Variants in ATP1B1 observed in about 807,000 individuals in gnomAD.
ATP1B1 encodes sodium/potassium-transporting ATPase subunit beta-1.
ATP1B1 carries 3 observed loss-of-function variants against 39.6 expected under a neutral mutation model. That is an observed-to-expected ratio of 0.08 (90% CI 0.03 to 0.20). The LOEUF (loss-of-function observed/expected upper bound fraction) is 0.20, where lower values mean the gene tolerates loss of function less well. Among genes scored for constraint, ATP1B1 ranks in the 10% least tolerant of loss-of-function variants. ATP1B1 has a pLI of 1.00. For synonymous variants in ATP1B1, 139 were observed against 135.0 expected (o/e 1.03, Z -0.20); for missense variants, 216 against 371.1 (o/e 0.58, Z 3.43).
At position 169,129,885 on chromosome 1, in the gene ATP1B1, CTT is replaced by C. The variant is rs139345849; in HGVS notation, c.568-122_568-121del. 9.8e-3 allele frequency: 7,824 copies of C among 799,628 alleles called. 414 individuals carry two copies. The African/African-American group carries it at 0.12, about 12-fold the overall frequency. The allele number at this position is 799,628 out of a possible 1,614,324, so 49.5% of individuals were successfully genotyped here. On this transcript the variant is annotated intron_variant, in intron 4 of 5. Coordinates refer to ENST00000367815, the MANE Select transcript of ATP1B1 (RefSeq NM_001677.4). ...GTCATTCATTCTGCTGTCCTGATGT[CTT>C]TTGTTATTTTGGTTGACTTACTGTG...
chr1:169,121,257 A>T (rs73033759), intron 2 of ATP1B1, among the ~76,000 whole-genome samples: 1 of 152,102 alleles, frequency 6.6e-6, no homozygotes, highest in African/African-American at 2.4e-5. Context: ...ATATTCCTAG[A>T]TGATTAACAA....
chr1:169,110,140 G>C (rs939574490), intron 1 of ATP1B1, among the ~76,000 whole-genome samples: 2 of 152,072 alleles, frequency 1.3e-5, no homozygotes, highest in Admixed American at 1.3e-4. Context: ...TAACAGCTCT[G>C]TAGCCTGATT....
chr1:169,116,635 G>C (rs964712576), intron 2 of ATP1B1, among the ~76,000 whole-genome samples: 1 of 152,106 alleles, frequency 6.6e-6, no homozygotes, highest in Non-Finnish European at 1.5e-5. Context: ...CAGATCACCC[G>C]AGGTCAGGAT....
At chr1:169,120,935 T>TTTTTC (rs755560637) in intron 2 of ATP1B1, among the ~76,000 whole-genome samples, 4 of 148,132 alleles carry the variant, frequency 2.7e-5, no homozygotes, top group African/African-American at 7.5e-5. Context: ...TTTCTTTCTC[T>TTTTTC]TTTTCTTTTC....
rs377341777 is a variant in ATP1B1, at chr1:169,111,490, C to T, written c.218C>T (p.Ala73Val). Residue 73 changes from alanine (A) to valine (V), a missense_variant, in exon 2 of 6, where the codon GCC (alanine) becomes GTC (valine). Transcript: ENST00000367815. Reference protein sequence around the residue: ...EFKPTYQDRVAPPGLTQIPQI... With the variant: ...EFKPTYQDRVVPPGLTQIPQI... ...AAGCCCACATATCAGGACCGAGTGG[C>T]CCCGCCAGGTAAAATCCACATGAAT... 29 of 1,613,338 alleles carry T rather than the reference C, an allele frequency of 1.8e-5. No individual in the cohort carries two copies. The highest frequency in any genetic ancestry group is 1.7e-5 in the Admixed American group (1 of 59,964).
At chr1:169,128,974 T>C (rs1317511973) in intron 4 of ATP1B1, among the ~76,000 whole-genome samples, 1 of 152,188 alleles carries the variant, frequency 6.6e-6, no homozygotes, top group Non-Finnish European at 1.5e-5. Context: ...TATTTTGGAG[T>C]TATTTTTGTC....
chr1:169,120,994 CTGGAG>C (rs148046563), intron 2 of ATP1B1, among the ~76,000 whole-genome samples: 11,134 of 145,320 alleles, frequency 0.077, 604 homozygotes, highest in East Asian at 0.14. Context: ...GTTGCCCAGG[CTGGAG>C]TGCAGTGGTG....
intron 2 of ATP1B1, 34 bp downstream of exon 2, chr1:169,111,532 G>T: frequency 6.2e-7 from 1 of 1,603,920 alleles, no homozygotes; most frequent in South Asian, 1.1e-5. Flanking sequence ...ATTTCCTTCA[G>T]AGATAGCATG....
chr1:169,113,821 T>A (rs1365907981), intron 2 of ATP1B1, among the ~76,000 whole-genome samples: 2 of 152,178 alleles, frequency 1.3e-5, no homozygotes, highest in African/African-American at 4.8e-5. Flanking sequence ...GTGGTCTGAG[T>A]CACAGGAAAA....
At chr1:169,108,232 TGTA>T (rs1232682247) in intron 1 of ATP1B1, 1 of 152,156 alleles carries the variant, frequency 6.6e-6, no homozygotes, top group African/African-American at 2.4e-5. Context: ...CCATGGAAAA[TGTA>T]GTTCTTTAAT....
At chr1:169,114,619 A>G (rs547473365) in intron 2 of ATP1B1, among the ~76,000 whole-genome samples, 1 of 152,100 alleles carries the variant, frequency 6.6e-6, no homozygotes, top group Non-Finnish European at 1.5e-5. Flanking sequence ...GAAATCTGAG[A>G]GGAGAGACTA....
chr1:169,113,433 GA>G (rs1434362740), intron 2 of ATP1B1, among the ~76,000 whole-genome samples: 1 of 151,560 alleles, frequency 6.6e-6, no homozygotes, highest in African/African-American at 2.4e-5. Context: ...TTTTCTTCAG[GA>G]AATTTCCTAG....
chr1:169,106,936 G>T lies in ATP1B1; in HGVS notation c.97+10G>T. 1 of 1,572,174 alleles carries T rather than the reference G, an allele frequency of 6.4e-7. No individual in the cohort carries two copies. Among genetic ancestry groups the T allele is most frequent in the Non-Finnish European group, 8.6e-7 (1 of 1,161,654 alleles). ...ACCGGTGGCAGTTGGTGTAAGTACG[G>T]GGTCCGCAGCTCCCGGCCGCCGCGT... On this transcript the variant is annotated intron_variant, in intron 1 of 5. Transcript: ENST00000367815.
chr1:169,116,712 G>T (rs529302739), intron 2 of ATP1B1, among the ~76,000 whole-genome samples: 3 of 151,980 alleles, frequency 2.0e-5, no homozygotes, highest in East Asian at 1.9e-4. Flanking sequence ...TTAGCTAGGC[G>T]TGATGGCAGG....
chr1:169,113,319 G>C (rs1571220305), intron 2 of ATP1B1, among the ~76,000 whole-genome samples: 1 of 152,178 alleles, frequency 6.6e-6, no homozygotes, highest in Admixed American at 6.5e-5. Flanking sequence ...ACCCACTTCG[G>C]CCTCCCAAAG....
chr1:169,127,214 T>C lies in ATP1B1; in HGVS notation c.383-10T>C. On this transcript the variant is annotated splice_polypyrimidine_tract_variant and intron_variant, in intron 3 of 5. Transcript: ENST00000367815. ...CTGGTACAATATAAAAGTTGTGTTT[T>C]TATTTTTAGATGTGCCCAGTGAACC... is the stretch of plus-strand genomic sequence containing the variant. 6.4e-7 allele frequency: 1 copy of C among 1,560,738 alleles called. No homozygotes were observed.
In ATP1B1 at chr1:169,131,613, CA is replaced by C. The variant is rs1557954096; in HGVS notation, c.*63del. On this transcript the variant is annotated 3_prime_UTR_variant, in exon 6 of 6. Transcript: ENST00000367815. The surrounding 1 kb of genome is among the most constrained non-coding windows in gnomAD (Gnocchi z 4.4). ...AATAAGTTAAAAAAAGATACAAAAA[CA>C]AAAACCTACTAGTCTTGAACAAACT... 6.5e-7 allele frequency: 1 copy of C among 1,546,764 alleles called. No homozygotes were observed. The highest frequency in any genetic ancestry group is 8.7e-7 in the Non-Finnish European group (1 of 1,149,570).
chr1:169,131,218 T>G lies in ATP1B1; in HGVS notation c.649-74T>G. Reference sequence around the variant, plus strand: ...GTAGTTTGCAAACTACTGTGTAGATTGAGTCTTGTTTTTGAGTACACATAG... The same window carrying G: ...GTAGTTTGCAAACTACTGTGTAGATGGAGTCTTGTTTTTGAGTACACATAG... On this transcript the variant is annotated intron_variant, in intron 5 of 5. Coordinates refer to ENST00000367815, the MANE Select transcript of ATP1B1 (RefSeq NM_001677.4). This position sits in a 1 kb window ranked among gnomAD's most constrained non-coding sequence, Gnocchi z 4.4. 1.2e-5 allele frequency: 17 copies of G among 1,406,414 alleles called. No individual in the cohort carries two copies. Among genetic ancestry groups the G allele is most frequent in the South Asian group, 5.2e-5 (3 of 57,248 alleles). 87.1% of individuals were successfully genotyped at this position (1,406,414 alleles called of 1,614,324 possible). A position where few individuals can be genotyped will look rare whatever the true frequency, so the allele number is the denominator to read the frequency against.
intron 2 of ATP1B1, among the ~76,000 whole-genome samples, chr1:169,120,565 G>A: frequency 6.6e-6 from 1 of 152,214 alleles, no homozygotes; most frequent in East Asian, 1.9e-4. Flanking sequence ...GCAAGTCACA[G>A]GGTTCTAAGA....
Sources: allele counts gnomAD v4.1 joint callset (sites outside exome capture counted in the v4.1 genomes callset), GRCh38; gene constraint gnomAD v4.1.1; non-coding constraint Gnocchi (gnomAD v3.1); transcripts MANE v1.5; gene names NCBI Gene and HGNC (gene_info 2026-07-23, HGNC 2026-07-21).